The following COG7 variants were observed in gnomAD, a reference collection of about 807,000 sequenced individuals.
The protein encoded by COG7 is component of oligomeric golgi complex 7, also known as conserved oligomeric Golgi complex subunit 7.
In COG7, 49 loss-of-function variants were observed where a neutral mutation model predicts 91.5. The observed-to-expected ratio is 0.54, with a 90% CI of 0.43 to 0.68. The LOEUF is 0.68. Ranked by LOEUF, COG7 falls within the 30% of genes least tolerant of loss-of-function variation. The pLI is 0.00. For missense variants in COG7, 895 were observed against 961.3 expected (o/e 0.93, Z 0.91); for synonymous variants, 365 against 388.7 (o/e 0.94, Z 0.72).
chr16:23,410,893 G>A (rs1963551522), intron 10 of COG7, among the ~76,000 whole-genome samples: 1 of 152,048 alleles, frequency 6.6e-6, no homozygotes, highest in African/African-American at 2.4e-5. Context: ...TTTTAGTAGA[G>A]ACGGGGTTTC....
At chr16:23,415,322 G>A (rs1963635096) in intron 9 of COG7, 1 of 152,224 alleles carries the variant, frequency 6.6e-6, no homozygotes, top group African/African-American at 2.4e-5. Flanking sequence ...AGAAAGAGCA[G>A]GTACACACTG....
At chr16:23,429,941 A>G (rs1161910331) in intron 6 of COG7, among the ~76,000 whole-genome samples, 1 of 152,210 alleles carries the variant, frequency 6.6e-6, no homozygotes, top group Non-Finnish European at 1.5e-5. Flanking sequence ...TCTAGAACAC[A>G]TTAAACTAAC....
chr16:23,417,360 G>C, intron 8 of COG7: 3 of 566,690 alleles, frequency 5.3e-6, no homozygotes, highest in South Asian at 4.1e-5. Flanking sequence ...CTGTCTACTT[G>C]ATCCTAATGT....
At chr16:23,443,415 G>A (rs1226281807) in intron 3 of COG7, among the ~76,000 whole-genome samples, 1 of 152,182 alleles carries the variant, frequency 6.6e-6, no homozygotes, top group Admixed American at 6.5e-5. Context: ...AGGCAGCCGG[G>A]AAGGGTGGCT....
chr16:23,444,324 C>T (rs952784605), intron 3 of COG7, among the ~76,000 whole-genome samples: 2 of 151,930 alleles, frequency 1.3e-5, no homozygotes, highest in African/African-American at 4.8e-5. Context: ...CTTCATAAGA[C>T]ATCATCTTAC....
rs201747640 is a variant in COG7, at chr16:23,418,803, G to A, written c.1034C>T (p.Thr345Met). 6.2e-7 allele frequency: 1 copy of A among 1,613,522 alleles called. No homozygotes were observed. Among genetic ancestry groups the A allele is most frequent in the South Asian group, 1.1e-5 (1 of 91,066 alleles). ...HLHEHNLVKV[T>M]ELVDAVYDPY... Reference sequence around the variant, plus strand: ...ATCATACACAGCATCCACCAGCTCCGTGACTTTTACCAGATTGTGTTCATC... The same window carrying A: ...ATCATACACAGCATCCACCAGCTCCATGACTTTTACCAGATTGTGTTCATC... The change falls in exon 8 of 17, where the codon ACG (threonine) becomes ATG (methionine). Residue 345 changes from threonine to methionine, a missense_variant. Thr to Met is a moderately conservative substitution (Grantham distance 81, BLOSUM62 -1). Coordinates refer to ENST00000307149, the MANE Select transcript of COG7 (RefSeq NM_153603.4).
chr16:23,400,122 C>G (rs1307442656), intron 13 of COG7, among the ~76,000 whole-genome samples: 2 of 152,102 alleles, frequency 1.3e-5, no homozygotes, highest in Admixed American at 1.3e-4. Context: ...CTCCCTACTT[C>G]TGTGTATGCG....
intron 13 of COG7, among the ~76,000 whole-genome samples, chr16:23,401,752 G>A (rs976634641): frequency 7.3e-5 from 11 of 151,220 alleles, no homozygotes; most frequent in African/African-American, 2.4e-4. Flanking sequence ...AGTATCTTTC[G>A]TGGAGAAAAA....
chr16:23,434,180 C>T (rs1032297788), intron 5 of COG7, among the ~76,000 whole-genome samples: 2 of 152,120 alleles, frequency 1.3e-5, no homozygotes, highest in African/African-American at 2.4e-5. Context: ...AAGGCTGAGA[C>T]GGGAGGATCA....
intron 13 of COG7, 44 bp downstream of exon 13, chr16:23,403,650 A>G: frequency 6.2e-7 from 1 of 1,612,012 alleles, no homozygotes; most frequent in Non-Finnish European, 8.5e-7. Context: ...CTTGAGTTGG[A>G]GGCAGGACCC....
intron 14 of COG7, among the ~76,000 whole-genome samples, chr16:23,395,920 C>G (rs922301114): frequency 6.6e-6 from 1 of 152,242 alleles, no homozygotes; most frequent in African/African-American, 2.4e-5. Flanking sequence ...CTCGGATCAT[C>G]ATCGCTGAAA....
intron 6 of COG7, among the ~76,000 whole-genome samples, chr16:23,429,701 T>C (rs1596943108): frequency 6.6e-6 from 1 of 151,644 alleles, no homozygotes; most frequent in Non-Finnish European, 1.5e-5. Context: ...GAAGCGGAGG[T>C]TGCAGTGAGC....
chr16:23,445,192 G>A (rs1471757632), intron 2 of COG7, 28 bp from the exon 3 acceptor site: 2 of 1,485,340 alleles, frequency 1.3e-6, no homozygotes, highest in Non-Finnish European at 1.9e-6. Flanking sequence ...GGTGAAAAAT[G>A]AAGGGGTAGG....
intron 14 of COG7, among the ~76,000 whole-genome samples, chr16:23,395,944 A>G (rs117087650): frequency 0.017 from 2,641 of 152,338 alleles, 40 homozygotes; most frequent in Middle Eastern, 0.085. Flanking sequence ...GGATGACCTC[A>G]TATTACTTCA....
chr16:23,397,339 T>C (rs181182020), intron 14 of COG7, among the ~76,000 whole-genome samples: 135 of 152,290 alleles, frequency 8.9e-4, no homozygotes, highest in African/African-American at 3.1e-3. Context: ...AATCTCCCAT[T>C]GTGTGAGGTG....
At chr16:23,398,583 A>G (rs1963322355) in intron 13 of COG7, among the ~76,000 whole-genome samples, 1 of 152,198 alleles carries the variant, frequency 6.6e-6, no homozygotes, top group Admixed American at 6.5e-5. Context: ...TCCCCCACAG[A>G]GGCCACGTGT....
chr16:23,424,722 A>T, intron 7 of COG7, 27 bp downstream of exon 7: 1 of 1,611,506 alleles, frequency 6.2e-7, no homozygotes, highest in Non-Finnish European at 8.5e-7. Flanking sequence ...AAGACAAGCT[A>T]GAGAACTGGC....
chr16:23,440,106 A>G (rs943427528), intron 4 of COG7, among the ~76,000 whole-genome samples: 28 of 145,316 alleles, frequency 1.9e-4, no homozygotes, highest in African/African-American at 7.0e-4. Context: ...AAAAAAAAAT[A>G]GGCTGGGCAC....
At position 23,393,354 on chromosome 16, in the gene COG7, CAAAA is replaced by C. The variant is rs1214052793; in HGVS notation, c.1888-11_1888-8del. 5.0e-6 allele frequency: 8 copies of C among 1,601,060 alleles called. No homozygotes were observed. The highest frequency in any genetic ancestry group is 6.8e-6 in the Non-Finnish European group (8 of 1,168,270). On this transcript the variant is annotated splice_region_variant and splice_polypyrimidine_tract_variant and intron_variant, in intron 14 of 16. Transcript: ENST00000307149. The stretch of plus-strand genomic sequence containing the variant: ...ACATGATGTACTGCCCGATCTGAAA[CAAAA>C]GAAAGCGCTGTTAGCCTGACATTGA...
Sources: gnomAD v4.1 joint callset for allele counts (sites outside exome capture counted in the v4.1 genomes callset) on GRCh38, gnomAD v4.1.1 for gene constraint, MANE v1.5 for transcripts, NCBI Gene and HGNC (gene_info 2026-07-23, HGNC 2026-07-21) for gene names.